Variants in ME3 observed in about 807,000 individuals in gnomAD.
ME3 encodes malic enzyme 3.
A neutral mutation model predicts 68.9 loss-of-function variants in ME3; 48 were observed. The observed-to-expected ratio is 0.70, with a 90% CI of 0.55 to 0.89. ME3 has a LOEUF of 0.89. Ranked by LOEUF, ME3 falls within the 40% of genes least tolerant of loss-of-function variation. ME3 has a pLI of 0.00. For missense variants in ME3, 675 were observed against 797.4 expected (o/e 0.85, Z 1.85); for synonymous variants, 320 against 318.8 (o/e 1.00, Z -0.04).
chr11:86,442,311 A>C (rs914937999), intron 14 of ME3, among the ~76,000 whole-genome samples: 2 of 152,168 alleles, frequency 1.3e-5, no homozygotes, highest in Non-Finnish European at 2.9e-5. Context: ...TGGCTGAGAG[A>C]GCACTGGGTA....
At chr11:86,448,232 T>C (rs1334680218) in exon 11 of ME3, 3 of 1,614,136 alleles carry the variant, frequency 1.9e-6, no homozygotes, top group Non-Finnish European at 2.5e-6. Context: ...ACATCTCCTT[T>C]TCATGGTTCA....
intron 6 of ME3, among the ~76,000 whole-genome samples, chr11:86,489,913 T>A (rs895474327): frequency 1.3e-5 from 2 of 152,170 alleles, no homozygotes; most frequent in African/African-American, 4.8e-5. Flanking sequence ...CCCCATTTTT[T>A]AAATGAGGCA....
chr11:86,531,410 A>T (rs1955220531), intron 4 of ME3, among the ~76,000 whole-genome samples: 1 of 152,202 alleles, frequency 6.6e-6, no homozygotes, highest in African/African-American at 2.4e-5. Flanking sequence ...GGGACTGTAA[A>T]CTAGTTCAAC....
Position 86,487,326 on chromosome 11 carries a change from G to A in ME3, c.809+11C>T. On this transcript the variant is annotated intron_variant, in intron 7 of 14. Coordinates refer to ENST00000543262, the Ensembl canonical transcript of ME3. ...AGTCCTCTTTCAAAAGGGACAGACT[G>A]GTCCACTTACTTGTCTGTCACAGCC... The A allele has an allele frequency of 6.2e-7, 1 of 1,604,530 alleles. No homozygotes were observed. Among genetic ancestry groups the A allele is most frequent in the Non-Finnish European group, 8.5e-7 (1 of 1,171,360 alleles).
intron 4 of ME3, among the ~76,000 whole-genome samples, chr11:86,516,289 C>G (rs1031616935): frequency 2.3e-4 from 35 of 151,962 alleles, no homozygotes; most frequent in Non-Finnish European, 1.5e-5. Context: ...AGGGTTTAAA[C>G]AAATAGATGT....
At chr11:86,526,507 G>A (rs189728666) in intron 4 of ME3, among the ~76,000 whole-genome samples, 43 of 152,290 alleles carry the variant, frequency 2.8e-4, no homozygotes, top group Admixed American at 1.6e-3. Context: ...GTCTGACAGC[G>A]TTGAAGATAG....
chr11:86,570,434 A>G (rs1382736037), intron 2 of ME3, among the ~76,000 whole-genome samples: 1 of 152,082 alleles, frequency 6.6e-6, no homozygotes, highest in Non-Finnish European at 1.5e-5. Flanking sequence ...TTCTGGTTGG[A>G]GACAGGAAAT....
intron 2 of ME3, among the ~76,000 whole-genome samples, chr11:86,567,517 C>T (rs1011119277): frequency 1.3e-5 from 2 of 152,166 alleles, no homozygotes; most frequent in African/African-American, 4.8e-5. Context: ...GCTCAGAGCA[C>T]CTTAGGGAGG....
In ME3 at chr11:86,666,001, CAG is replaced by C. The variant is rs373872784; in HGVS notation, c.183+5759_183+5760del. On this transcript the variant is annotated intron_variant, in intron 2 of 14. Coordinates refer to ENST00000543262, the Ensembl canonical transcript of ME3. ...TGATGGTAGTGGGGATATAGAGAAA[CAG>C]ATAAATTTTTAAAGGCTGGGGTAAA... is the stretch of plus-strand genomic sequence containing the variant. Among the ~76,000 whole-genome samples, 838 of 152,232 alleles carry C rather than the reference CAG, an allele frequency of 5.5e-3. 14 individuals carry two copies. Among genetic ancestry groups the C allele is most frequent in the African/African-American group, 0.02 (811 of 41,538 alleles).
rs542675524 is a variant in ME3, at chr11:86,545,111, T to C, written c.467+11442A>G. Among the ~76,000 whole-genome samples the C allele has an allele frequency of 8.1e-5, 11 of 135,170 alleles. No homozygotes were observed. In the East Asian group the frequency reaches 8.5e-4, roughly 10 times the overall value. 88.7% of individuals were successfully genotyped at this position (135,170 alleles called of 152,430 possible). A position where few individuals can be genotyped will look rare whatever the true frequency, so the allele number is the denominator to read the frequency against. On this transcript the variant is annotated intron_variant, in intron 4 of 14. Coordinates refer to ENST00000543262, the Ensembl canonical transcript of ME3. ...CAATAGATGCAGAAAAGGCCTTCGA[T>C]AAAATTCAACACCCTTCATGCTAAA...
intron 2 of ME3, among the ~76,000 whole-genome samples, chr11:86,663,427 G>T (rs1396297503): frequency 6.6e-6 from 1 of 152,066 alleles, no homozygotes; most frequent in Non-Finnish European, 1.5e-5. Context: ...CACTGACCTC[G>T]GCACACCCAA....
intron 4 of ME3, among the ~76,000 whole-genome samples, chr11:86,527,971 C>A (rs1196311031): frequency 1.3e-5 from 2 of 152,188 alleles, no homozygotes; most frequent in Admixed American, 6.5e-5. Context: ...AACCAGCTAA[C>A]ATCATAATGA....
intron 2 of ME3, among the ~76,000 whole-genome samples, chr11:86,648,170 A>C (rs1411855448): frequency 3.9e-5 from 6 of 152,242 alleles, no homozygotes; most frequent in Non-Finnish European, 8.8e-5. Context: ...TGGGTAAATA[A>C]CAAAACTAAG....
chr11:86,462,671 C>G (rs1451518765), intron 8 of ME3: 2 of 1,081,542 alleles, frequency 1.8e-6, no homozygotes, highest in Non-Finnish European at 2.5e-6. Flanking sequence ...AGGCGCGGTG[C>G]TGGGAGCTGG....
intron 5 of ME3, among the ~76,000 whole-genome samples, chr11:86,502,856 A>T (rs1952818855): frequency 6.6e-6 from 1 of 152,116 alleles, no homozygotes; most frequent in African/African-American, 2.4e-5. Context: ...CACACCCTTT[A>T]GTTTGGGTGG....
chr11:86,556,545 G>A lies in ME3; in HGVS notation c.467+8C>T, dbSNP rs377490660. On this transcript the variant is annotated splice_region_variant and intron_variant, in intron 4 of 14. Coordinates refer to ENST00000543262, the Ensembl canonical transcript of ME3. ...CCCTCCCAGAGCCCTCACTCCACGG[G>A]GGCTCACCGGGGCCTGCGGAAAGTC... The A allele has an allele frequency of 3.1e-6, 5 of 1,612,600 alleles. No individual in the cohort carries two copies. Among genetic ancestry groups the A allele is most frequent in the Middle Eastern group, 1.6e-4 (1 of 6,066 alleles).
intron 4 of ME3, among the ~76,000 whole-genome samples, chr11:86,532,248 G>T (rs559095883): frequency 6.6e-6 from 1 of 152,238 alleles, no homozygotes; most frequent in South Asian, 2.1e-4. Context: ...AATATCTGAA[G>T]GGTGAGATAG....
intron 4 of ME3, among the ~76,000 whole-genome samples, chr11:86,540,355 C>T (rs1400574003): frequency 1.3e-5 from 2 of 152,192 alleles, no homozygotes; most frequent in African/African-American, 4.8e-5. Flanking sequence ...CGCTACTGGA[C>T]ATTCTCTCTT....
intron 7 of ME3, among the ~76,000 whole-genome samples, chr11:86,481,208 ATTTTTTT>A (rs71040240): frequency 1.2e-4 from 13 of 105,898 alleles, no homozygotes; most frequent in Admixed American, 6.3e-4. Flanking sequence ...CACCCAGCTG[ATTTTTTT>A]TTTTTTTTTT....
Sources: allele counts gnomAD v4.1 joint callset (sites outside exome capture counted in the v4.1 genomes callset), GRCh38; gene constraint gnomAD v4.1.1; transcripts MANE v1.5; gene names NCBI Gene and HGNC (gene_info 2026-07-23, HGNC 2026-07-21).